KIT: variants seen among roughly 807,000 people sequenced by gnomAD.
KIT encodes the protein mast/stem cell growth factor receptor Kit.
A neutral mutation model predicts 105.7 loss-of-function variants in KIT; 16 were observed. That is an observed-to-expected ratio of 0.15 (90% confidence interval 0.10 to 0.23). The LOEUF (loss-of-function observed/expected upper bound fraction) is 0.23, where lower values mean the gene tolerates loss of function less well. KIT is among the 10% of genes least tolerant of loss of function. The pLI is 1.00. For synonymous variants in KIT, 438 were observed against 441.1 expected, an observed-to-expected ratio of 0.99 and a Z score of 0.09; for missense variants, 858 against 1,213.8, an observed-to-expected ratio of 0.71 and a Z score of 4.36.
intron 8 of KIT, among the ~76,000 whole-genome samples, chr4:54,725,460 G>T (rs536636705): frequency 6.6e-6 from 1 of 152,014 alleles, no homozygotes; most frequent in African/African-American, 2.4e-5. Context: ...AACCATTCGT[G>T]TACCCTTTTG....
intron 2 of KIT, among the ~76,000 whole-genome samples, chr4:54,697,302 CACAA>C (rs1226035334): frequency 1.3e-5 from 2 of 152,038 alleles, no homozygotes; most frequent in Non-Finnish European, 2.9e-5. Flanking sequence ...AAGGATAAAA[CACAA>C]ACCTATTTCA....
intron 1 of KIT, among the ~76,000 whole-genome samples, chr4:54,688,693 T>C (rs892417028): frequency 1.3e-5 from 2 of 152,184 alleles, no homozygotes; most frequent in Non-Finnish European, 2.9e-5. Flanking sequence ...GCACCTAGAA[T>C]TGCAGTCTCA....
At chr4:54,707,051 G>C (rs1577966953) in intron 5 of KIT, 47 bp from the exon 6 acceptor site, 4 of 1,087,940 alleles carry the variant, frequency 3.7e-6, no homozygotes, top group Non-Finnish European at 5.6e-6. Flanking sequence ...TTTTTGTCCA[G>C]TAGTTGTAGA....
chr4:54,692,036 G>C (rs892985030), intron 1 of KIT, among the ~76,000 whole-genome samples: 4 of 152,200 alleles, frequency 2.6e-5, no homozygotes, highest in Non-Finnish European at 4.4e-5. Flanking sequence ...CATTTATTAT[G>C]TGTTTTCCAT....
Position 54,699,631 on chromosome 4 carries a change from C to G in KIT, c.621C>G (p.Ala207=). The change falls in exon 4 of 21, where the codon GCC becomes GCG. Residue 207 remains alanine (A), a splice_region_variant and synonymous_variant. Coordinates refer to ENST00000288135, the MANE Select transcript of KIT (RefSeq NM_000222.3). ...GGGCCACATTTCTTTTCATTCTAGC[C>G]TTCAAAGCTGTGCCTGTTGTGTCTG... is the stretch of plus-strand genomic sequence containing the variant. The part of the protein sequence containing the change: ...SEKFILKVRP[A]FKAVPVVSVS... The G allele has an allele frequency of 6.2e-7, 1 of 1,613,936 alleles. No individual in the cohort carries two copies. The highest frequency in any genetic ancestry group is 8.5e-7 in the Non-Finnish European group (1 of 1,179,872).
At chr4:54,659,383 C>A (rs181365780) in intron 1 of KIT, among the ~76,000 whole-genome samples, 10 of 152,260 alleles carry the variant, frequency 6.6e-5, no homozygotes. Context: ...CTGCTATCTC[C>A]CAGGTCATTT....
chr4:54,660,582 A>G (rs1717184505), intron 1 of KIT, among the ~76,000 whole-genome samples: 1 of 152,216 alleles, frequency 6.6e-6, no homozygotes, highest in Middle Eastern at 3.4e-3. Flanking sequence ...TTCGTATGAC[A>G]TGTGTGGTGT....
chr4:54,660,331 C>G lies in KIT; in HGVS notation c.67+2250C>G, dbSNP rs1317259158. 2.0e-5 allele frequency among the ~76,000 whole-genome samples: 3 copies of G among 152,244 alleles called. No individual in the cohort carries two copies. The East Asian group carries it at 5.8e-4, about 29-fold the overall frequency. On this transcript the variant is annotated intron_variant, in intron 1 of 20. Transcript: ENST00000288135. ...AGCTCCTGTGCCTAACAGGATGAAC[C>G]TGCTAGGAATAGTGAATCATACCTT... is the stretch of plus-strand genomic sequence containing the variant.
At chr4:54,738,389 G>T (rs769360466) in intron 20 of KIT, 40 bp from the exon 21 acceptor site, 2 of 1,612,362 alleles carry the variant, frequency 1.2e-6, no homozygotes, top group Non-Finnish European at 1.7e-6. Flanking sequence ...TATGTTCGTT[G>T]TAGGGACTGC....
In KIT at chr4:54,731,368, G is replaced by A. The variant is rs1722585601; in HGVS notation, c.2182G>A (p.Val728Ile). 6.2e-7 allele frequency: 1 copy of A among 1,613,502 alleles called. No homozygotes were observed. The highest frequency in any genetic ancestry group is 8.5e-7 in the Non-Finnish European group (1 of 1,179,532). Residue 728 changes from valine to isoleucine, a missense_variant, in exon 15 of 21, where the codon GTT becomes ATT. By Grantham distance (29) the Val-to-Ile change is conservative. Transcript: ENST00000288135. ...TGAGTACATGGACATGAAACCTGGAGTTTCTTATGTTGTCCCAACCAAGGC... is the reference window on the plus strand; with the variant it reads ...TGAGTACATGGACATGAAACCTGGAATTTCTTATGTTGTCCCAACCAAGGC... ...TNEYMDMKPG[V>I]SYVVPTKADK...
intron 1 of KIT, among the ~76,000 whole-genome samples, chr4:54,673,153 A>G (rs1718233367): frequency 6.6e-6 from 1 of 152,092 alleles, no homozygotes; most frequent in South Asian, 2.1e-4. Context: ...TTTTTTCCAT[A>G]GACACAATGT....
chr4:54,735,346 G>GAAAAAAAAAAAA (rs1722862733), intron 17 of KIT, among the ~76,000 whole-genome samples: 1 of 116,274 alleles, frequency 8.6e-6, no homozygotes. Flanking sequence ...TTTGTAAGCT[G>GAAAAAAAAAAAA]ACTAAAATAA....
chr4:54,658,513 C>T (rs1427433832), intron 1 of KIT, among the ~76,000 whole-genome samples: 1 of 152,138 alleles, frequency 6.6e-6, no homozygotes, highest in Non-Finnish European at 1.5e-5. Flanking sequence ...GTGACCGGCG[C>T]CCGGGAGGAC....
At chr4:54,704,341 A>G (rs1577963806) in intron 5 of KIT, among the ~76,000 whole-genome samples, 1 of 152,192 alleles carries the variant, frequency 6.6e-6, no homozygotes, top group East Asian at 1.9e-4. Flanking sequence ...AGTTCCTTCT[A>G]GTAAGGACTG....
intron 1 of KIT, among the ~76,000 whole-genome samples, chr4:54,661,258 C>T (rs1032073985): frequency 2.0e-5 from 3 of 152,150 alleles, no homozygotes; most frequent in Admixed American, 6.5e-5. Context: ...GACAATCTAC[C>T]ATCCAAAGCC....
rs984901668 is a variant in KIT, at chr4:54,739,336, T to A, written c.*779T>A. 4.2e-6 allele frequency: 1 copy of A among 235,314 alleles called. No individual in the cohort carries two copies. Among genetic ancestry groups the A allele is most frequent in the Non-Finnish European group, 8.4e-6 (1 of 119,290 alleles). The allele number at this position is 235,314 out of a possible 1,614,324, so 14.6% of individuals were successfully genotyped here. On this transcript the variant is annotated 3_prime_UTR_variant, in exon 21 of 21. Coordinates refer to ENST00000288135, the MANE Select transcript of KIT (RefSeq NM_000222.3). The stretch of plus-strand genomic sequence containing the variant: ...TATGTCCACTGTGTATAGAAGTAGA[T>A]TAAGAGCCATATAAGTTTGAAGGAA...
chr4:54,694,376 G>A lies in KIT; in HGVS notation c.68-1136G>A, dbSNP rs539726562. On this transcript the variant is annotated intron_variant, in intron 1 of 20. Coordinates refer to ENST00000288135, the MANE Select transcript of KIT (RefSeq NM_000222.3). The stretch of plus-strand genomic sequence containing the variant: ...TTGTTCTATTGTTTTTAGAGAGACA[G>A]AGTCTTACTCTGTCACTCAGGCTGG... Among the ~76,000 whole-genome samples, 18 of 152,234 alleles carry A rather than the reference G, an allele frequency of 1.2e-4. No individual in the cohort carries two copies. The South Asian group carries it at 3.7e-3, about 32-fold the overall frequency.
intron 1 of KIT, among the ~76,000 whole-genome samples, chr4:54,665,398 G>A (rs1025859581): frequency 1.3e-5 from 2 of 152,180 alleles, no homozygotes; most frequent in African/African-American, 4.8e-5. Flanking sequence ...ATGGCTGCGA[G>A]CTACATGTTG....
At chr4:54,691,472 G>A (rs78701645) in intron 1 of KIT, among the ~76,000 whole-genome samples, 2,064 of 152,188 alleles carry the variant, frequency 0.014, 36 homozygotes, top group African/African-American at 0.045. Flanking sequence ...AAGACAAGAT[G>A]TGTCCCAGGG....
Sources: allele counts gnomAD v4.1 joint callset (sites outside exome capture counted in the v4.1 genomes callset), GRCh38; gene constraint gnomAD v4.1.1; transcripts MANE v1.5; gene names NCBI Gene and HGNC (gene_info 2026-07-23, HGNC 2026-07-21).